The following B4GALT5 variants were observed in gnomAD, a reference collection of about 807,000 sequenced individuals.
B4GALT5 encodes UDP-Gal:beta-GlcNAc beta-1,4-galactosyltransferase 5.
Under a neutral mutation model 45.0 loss-of-function variants are expected in B4GALT5, and 11 were observed. That is an observed-to-expected ratio of 0.24 (90% CI 0.15 to 0.40). The LOEUF (loss-of-function observed/expected upper bound fraction) is 0.40, where lower values mean the gene tolerates loss of function less well. Among genes scored for constraint, B4GALT5 ranks in the 10% least tolerant of loss-of-function variants. The probability of loss-of-function intolerance (pLI) is 1.00; values close to 1 mark genes in which losing one functional copy is unlikely to be tolerated. For synonymous variants in B4GALT5, 185 were observed against 182.9 expected (o/e 1.01, Z -0.09); for missense variants, 337 against 500.2 (o/e 0.67, Z 3.11).
chr20:49,652,279 T>A (rs2085625658), intron 2 of B4GALT5, among the ~76,000 whole-genome samples: 1 of 151,492 alleles, frequency 6.6e-6, no homozygotes, highest in South Asian at 2.1e-4. Flanking sequence ...CAAATCCAGT[T>A]GAGAAGGAAT....
intron 1 of B4GALT5, among the ~76,000 whole-genome samples, chr20:49,704,592 G>A (rs965094685): frequency 1.3e-5 from 2 of 150,756 alleles, no homozygotes; most frequent in African/African-American, 2.4e-5. Flanking sequence ...AGTGGCGGGC[G>A]CCTGTAGTCC....
Position 49,645,703 on chromosome 20 carries a change from G to A in B4GALT5, c.364+1262C>T, listed in dbSNP as rs570910685. On this transcript the variant is annotated intron_variant, in intron 3 of 8. Transcript: ENST00000371711. Reference sequence around the variant, plus strand: ...GGCAGAGGTTGCAGTGAGCGGAGACGGCACCACTGCACTCCAGCCTGGGCA... The same window carrying A: ...GGCAGAGGTTGCAGTGAGCGGAGACAGCACCACTGCACTCCAGCCTGGGCA... Among the ~76,000 whole-genome samples, 7 of 151,828 alleles carry A rather than the reference G, an allele frequency of 4.6e-5. No individual in the cohort carries two copies. The South Asian group carries it at 6.3e-4, about 14-fold the overall frequency.
chr20:49,647,264 G>T (rs1325704360), intron 2 of B4GALT5, among the ~76,000 whole-genome samples, 186 bp from the exon 3 acceptor site: 2 of 152,226 alleles, frequency 1.3e-5, no homozygotes, highest in African/African-American at 4.8e-5. Flanking sequence ...CCAAATGGCA[G>T]ATTTTAACCA....
chr20:49,705,521 C>T (rs1295617552), intron 1 of B4GALT5, among the ~76,000 whole-genome samples: 1 of 152,142 alleles, frequency 6.6e-6, no homozygotes, highest in African/African-American at 2.4e-5. Context: ...GGGGACCTTG[C>T]CATTCACCCC....
chr20:49,704,112 A>C (rs2085874296), intron 1 of B4GALT5, among the ~76,000 whole-genome samples: 1 of 152,214 alleles, frequency 6.6e-6, no homozygotes, highest in Non-Finnish European at 1.5e-5. Context: ...AAGTCTACCA[A>C]TCAGCAAATA....
intron 1 of B4GALT5, among the ~76,000 whole-genome samples, chr20:49,689,912 G>A (rs951677547): frequency 2.0e-5 from 3 of 152,050 alleles, no homozygotes; most frequent in Admixed American, 6.5e-5. Context: ...ACGGGGTCTC[G>A]CTACGTTGCC....
chr20:49,681,661 C>T (rs377502244), intron 1 of B4GALT5, among the ~76,000 whole-genome samples: 28 of 152,330 alleles, frequency 1.8e-4, no homozygotes, highest in Admixed American at 5.9e-4. Flanking sequence ...CGTCCACAAA[C>T]CTGTTCTACC....
intron 1 of B4GALT5, among the ~76,000 whole-genome samples, chr20:49,683,883 G>C: frequency 6.6e-6 from 1 of 151,626 alleles, no homozygotes; most frequent in African/African-American, 2.4e-5. Flanking sequence ...GCTCACGCCT[G>C]TAATCCCAGC....
intron 1 of B4GALT5, among the ~76,000 whole-genome samples, chr20:49,678,383 A>G (rs1309476933): frequency 6.6e-6 from 1 of 152,250 alleles, no homozygotes; most frequent in African/African-American, 2.4e-5. Context: ...CAGGTGAACA[A>G]TAATTTGGCT....
chr20:49,705,448 C>T (rs939634426), intron 1 of B4GALT5, among the ~76,000 whole-genome samples: 2 of 152,110 alleles, frequency 1.3e-5, no homozygotes, highest in African/African-American at 4.8e-5. Flanking sequence ...GACAGATTTC[C>T]ATGTAGAGAC....
At chr20:49,712,354 G>A (rs960870509) in intron 1 of B4GALT5, among the ~76,000 whole-genome samples, 3 of 151,686 alleles carry the variant, frequency 2.0e-5, no homozygotes, top group Non-Finnish European at 4.4e-5. Context: ...TGGAATCCAA[G>A]TCTGACCTCT....
intron 2 of B4GALT5, among the ~76,000 whole-genome samples, chr20:49,651,887 T>C (rs908923829): frequency 1.3e-5 from 2 of 152,128 alleles, no homozygotes; most frequent in East Asian, 1.9e-4. Flanking sequence ...CAGACCAGCC[T>C]GGGCAACATG....
At position 49,667,041 on chromosome 20, in the gene B4GALT5, T is replaced by C. The variant is rs528388358; in HGVS notation, c.116-10339A>G. 1.4e-4 allele frequency among the ~76,000 whole-genome samples: 21 copies of C among 152,202 alleles called. No homozygotes were observed. In the South Asian group the frequency reaches 4.4e-3, roughly 32 times the overall value. ...CAGGTTGTTACCATCAATTTAGAGATGAAAAAAACTCAGGTCTGAATACGC... is the reference window on the plus strand; with the variant it reads ...CAGGTTGTTACCATCAATTTAGAGACGAAAAAAACTCAGGTCTGAATACGC... On this transcript the variant is annotated intron_variant, in intron 1 of 8. Transcript: ENST00000371711.
chr20:49,688,047 G>C (rs1020592899), intron 1 of B4GALT5, among the ~76,000 whole-genome samples: 1 of 152,114 alleles, frequency 6.6e-6, no homozygotes, highest in Admixed American at 6.6e-5. Context: ...TGCCAGGAAG[G>C]AGGCTGAGGA....
In B4GALT5 at chr20:49,713,700, A is replaced by C. The variant is rs2085931892; in HGVS notation, c.-10T>G. ...CCCGGCGGGCGCGCATGCTGCAGCC[A>C]GGCGGCCGCTAGAGAGCCAGGCCGG... On this transcript the variant is annotated 5_prime_UTR_variant, in exon 1 of 9. Coordinates refer to ENST00000371711, the MANE Select transcript of B4GALT5 (RefSeq NM_004776.4). 1 of 1,369,490 alleles carries C rather than the reference A, an allele frequency of 7.3e-7. No individual in the cohort carries two copies. The highest frequency in any genetic ancestry group is 1.5e-5 in the African/African-American group (1 of 64,992). The allele number at this position is 1,369,490 out of a possible 1,614,324, so 84.8% of individuals were successfully genotyped here. A position where few individuals can be genotyped will look rare whatever the true frequency, so the allele number is the denominator to read the frequency against.
At chr20:49,669,154 C>A (rs1404912571) in intron 1 of B4GALT5, among the ~76,000 whole-genome samples, 1 of 152,134 alleles carries the variant, frequency 6.6e-6, no homozygotes, top group African/African-American at 2.4e-5. Flanking sequence ...AGCCATCATG[C>A]CCAGCCAATA....
intron 1 of B4GALT5, among the ~76,000 whole-genome samples, chr20:49,698,049 C>T (rs1265970759): frequency 2.6e-5 from 4 of 152,244 alleles, no homozygotes; most frequent in East Asian, 3.9e-4. Context: ...CAGCCGGGCG[C>T]GGTGGCTCAT....
intron 3 of B4GALT5, among the ~76,000 whole-genome samples, chr20:49,645,689 C>T (rs2085596212): frequency 1.3e-5 from 2 of 152,174 alleles, no homozygotes; most frequent in South Asian, 4.2e-4. Context: ...GCAGAGGTTG[C>T]AGTGAGCGGA....
At chr20:49,687,820 GA>G (rs2085792980) in intron 1 of B4GALT5, among the ~76,000 whole-genome samples, 1 of 151,912 alleles carries the variant, frequency 6.6e-6, no homozygotes, top group South Asian at 2.1e-4. Context: ...GGCTATGACT[GA>G]GAGCCTGTGG....
Sources: gnomAD v4.1 joint callset for allele counts (sites outside exome capture counted in the v4.1 genomes callset) on GRCh38, gnomAD v4.1.1 for gene constraint, MANE v1.5 for transcripts, NCBI Gene and HGNC (gene_info 2026-07-23, HGNC 2026-07-21) for gene names.